Variants in CERT1 observed in about 807,000 individuals in gnomAD.
CERT1 encodes ceramide transporter 1.
A neutral mutation model predicts 87.9 loss-of-function variants in CERT1; 31 were observed. The ratio of observed to expected loss-of-function variants is 0.35; its 90% CI spans 0.27 to 0.48. CERT1 has a LOEUF of 0.48. Among genes scored for constraint, CERT1 ranks in the 20% least tolerant of loss-of-function variants. The probability of loss-of-function intolerance (pLI) is 0.99; values close to 1 mark genes in which losing one functional copy is unlikely to be tolerated. For synonymous variants in CERT1, 289 were observed against 250.9 expected, an observed-to-expected ratio of 1.15 and a Z score of -1.44; for missense variants, 487 against 758.0, an observed-to-expected ratio of 0.64 and a Z score of 4.20.
At chr5:75,495,553 A>G (rs1217294062) in intron 2 of CERT1, among the ~76,000 whole-genome samples, 3 of 151,802 alleles carry the variant, frequency 2.0e-5, no homozygotes, top group African/African-American at 7.3e-5. Context: ...CTGAGACCCT[A>G]TCTCACTTAC....
intron 3 of CERT1, among the ~76,000 whole-genome samples, chr5:75,446,771 A>G (rs1167895001): frequency 6.6e-6 from 1 of 152,208 alleles, no homozygotes. Flanking sequence ...TTCCCTGAGC[A>G]TGCACAATCA....
intron 17 of CERT1, chr5:75,372,592 T>G (rs186727679): frequency 6.6e-6 from 1 of 152,350 alleles, no homozygotes; most frequent in East Asian, 1.9e-4. Context: ...TAGAAAAGAT[T>G]ATGGAGCATG....
At chr5:75,410,609 CAA>C (rs34428665) in intron 8 of CERT1, 4 of 135,258 alleles carry the variant, frequency 3.0e-5, no homozygotes, top group East Asian at 2.2e-4. Context: ...GACTCGGTCT[CAA>C]AAAAAAAAAA....
intron 8 of CERT1, among the ~76,000 whole-genome samples, chr5:75,409,292 T>C (rs1344517250): frequency 6.6e-6 from 1 of 152,132 alleles, no homozygotes; most frequent in Non-Finnish European, 1.5e-5. Flanking sequence ...TTGAGAATAA[T>C]TTAAAAATAT....
chr5:75,394,361 GA>G (rs957232007), intron 11 of CERT1, among the ~76,000 whole-genome samples: 1 of 150,274 alleles, frequency 6.7e-6, no homozygotes. Flanking sequence ...ATAAAAAATT[GA>G]AAAAAAAATT....
At chr5:75,448,501 A>G (rs910076391) in intron 3 of CERT1, among the ~76,000 whole-genome samples, 4 of 152,234 alleles carry the variant, frequency 2.6e-5, no homozygotes, top group Non-Finnish European at 5.9e-5. Context: ...TAACGATAAT[A>G]TAAGTACAAT....
intron 2 of CERT1, among the ~76,000 whole-genome samples, chr5:75,463,073 G>GAGT (rs1765307186): frequency 6.7e-6 from 1 of 149,362 alleles, no homozygotes; most frequent in South Asian, 2.1e-4. Context: ...TAATAATGTA[G>GAGT]AGTATCAAAG....
At chr5:75,490,740 C>T (rs797017901) in intron 2 of CERT1, among the ~76,000 whole-genome samples, 7 of 152,218 alleles carry the variant, frequency 4.6e-5, no homozygotes, top group African/African-American at 1.7e-4. Flanking sequence ...CCTCATGATC[C>T]GCCCACCTCG....
chr5:75,471,315 T>C (rs1765696983), intron 2 of CERT1, among the ~76,000 whole-genome samples: 1 of 152,224 alleles, frequency 6.6e-6, no homozygotes, highest in Non-Finnish European at 1.5e-5. Flanking sequence ...CTCTACTGAA[T>C]ACTTTAGACA....
Position 75,498,345 on chromosome 5 carries a change from A to T in CERT1, c.231+7637T>A, listed in dbSNP as rs187493256. Reference sequence around the variant, plus strand: ...ATGTTATCACCAAGACAATGGGGAAAATGTCTCCAGGGCATGTCCGAGACC... The same window carrying T: ...ATGTTATCACCAAGACAATGGGGAATATGTCTCCAGGGCATGTCCGAGACC... On this transcript the variant is annotated intron_variant, in intron 2 of 16. Coordinates refer to ENST00000643780, the MANE Select transcript of CERT1 (RefSeq NM_001379029.1). 1.3e-3 allele frequency among the ~76,000 whole-genome samples: 201 copies of T among 152,330 alleles called. 2 individuals are homozygous for T. The highest frequency in any genetic ancestry group is 4.6e-3 in the African/African-American group (192 of 41,586).
At chr5:75,425,564 T>C (rs936230678) in intron 4 of CERT1, 65 bp from the exon 5 acceptor site, 5 of 1,526,820 alleles carry the variant, frequency 3.3e-6, no homozygotes, top group Non-Finnish European at 4.5e-6. Flanking sequence ...TGTGGTCCTA[T>C]GGTATTTCAT....
chr5:75,507,594 T>C lies in CERT1; in HGVS notation c.97-1478A>G, dbSNP rs1020414021. Among the ~76,000 whole-genome samples the C allele has an allele frequency of 2.0e-5, 3 of 152,198 alleles. No homozygotes were observed. The East Asian group carries it at 5.8e-4, about 29-fold the overall frequency. ...ACCAATAAAACTGAATTCACCTTCC[T>C]ATAAAGTATACTTCCTTCCTATTTT... is the stretch of plus-strand genomic sequence containing the variant. On this transcript the variant is annotated intron_variant, in intron 1 of 16. Coordinates refer to ENST00000643780, the MANE Select transcript of CERT1 (RefSeq NM_001379029.1).
chr5:75,417,113 A>T, intron 6 of CERT1, 80 bp from the exon 7 acceptor site: 1 of 1,169,964 alleles, frequency 8.5e-7, no homozygotes, highest in Non-Finnish European at 1.2e-6. Flanking sequence ...AAATGTTTAG[A>T]AAATTAGCAA....
At chr5:75,389,918 G>A (rs530023701) in intron 11 of CERT1, among the ~76,000 whole-genome samples, 1 of 152,258 alleles carries the variant, frequency 6.6e-6, no homozygotes, top group East Asian at 1.9e-4. Flanking sequence ...GGTCACTCAA[G>A]TAACACATAT....
At position 75,500,879 on chromosome 5, in the gene CERT1, T is replaced by G. The variant is rs193249296; in HGVS notation, c.231+5103A>C. ...ATTTTACAATTCCACATTCAAAAAT[T>G]TTTTACATCTGACTACTATTTGGCA... On this transcript the variant is annotated intron_variant, in intron 2 of 16. Coordinates refer to ENST00000643780, the MANE Select transcript of CERT1 (RefSeq NM_001379029.1). 3.2e-4 allele frequency among the ~76,000 whole-genome samples: 49 copies of G among 152,320 alleles called. No homozygotes were observed. The East Asian group carries it at 8.3e-3, about 26-fold the overall frequency.
chr5:75,508,318 A>T (rs1435907040), intron 1 of CERT1, among the ~76,000 whole-genome samples: 1 of 152,244 alleles, frequency 6.6e-6, no homozygotes, highest in Non-Finnish European at 1.5e-5. Flanking sequence ...GTGCCTGGAC[A>T]TAGTATTTTC....
chr5:75,453,433 A>G (rs1410767965), intron 3 of CERT1, among the ~76,000 whole-genome samples: 1 of 152,198 alleles, frequency 6.6e-6, no homozygotes, highest in African/African-American at 2.4e-5. Flanking sequence ...ATACAAGAAT[A>G]CTGTGATTCA....
chr5:75,400,380 C>G (rs1762421004), intron 9 of CERT1, 83 bp from the exon 10 acceptor site: 1 of 924,082 alleles, frequency 1.1e-6, no homozygotes, highest in East Asian at 2.6e-5. Flanking sequence ...CCTGGAACTA[C>G]CAACATTCAC....
At chr5:75,478,647 T>C (rs572041387) in intron 2 of CERT1, among the ~76,000 whole-genome samples, 18 of 152,210 alleles carry the variant, frequency 1.2e-4, no homozygotes, top group African/African-American at 3.6e-4. Flanking sequence ...AGCAGAAGAC[T>C]AGAGGTTTTC....
Sources: gnomAD v4.1 joint callset for allele counts (sites outside exome capture counted in the v4.1 genomes callset) on GRCh38, gnomAD v4.1.1 for gene constraint, MANE v1.5 for transcripts, NCBI Gene and HGNC (gene_info 2026-07-23, HGNC 2026-07-21) for gene names.